VPS41: variants seen among roughly 807,000 people sequenced by gnomAD.
The protein encoded by VPS41 is VPS41 subunit of HOPS complex.
In VPS41, 85 loss-of-function variants were observed where a neutral mutation model predicts 130.9. That is an observed-to-expected ratio of 0.65 (90% CI 0.55 to 0.78). VPS41 has a LOEUF of 0.78. VPS41 is among the 30% of genes least tolerant of loss of function. The pLI, the probability that VPS41 is intolerant of heterozygous loss-of-function variation, is 0.00. For synonymous variants in VPS41, 335 were observed against 332.9 expected, an observed-to-expected ratio of 1.01 and a Z score of -0.07; for missense variants, 874 against 1,018.7, an observed-to-expected ratio of 0.86 and a Z score of 1.93.
chr7:38,898,506 C>T (rs867661490), intron 1 of VPS41, among the ~76,000 whole-genome samples: 1 of 152,214 alleles, frequency 6.6e-6, no homozygotes. Context: ...AATTTTTATA[C>T]TGAAAAGTTC....
In VPS41 at chr7:38,786,272, C is replaced by T. The variant is rs199829653; in HGVS notation, c.784+3529G>A. On this transcript the variant is annotated intron_variant, in intron 10 of 28. Coordinates refer to ENST00000310301, the MANE Select transcript of VPS41 (RefSeq NM_014396.4). ...ACCCTTCTGAACATCAGCTTCTTCA[C>T]TTACACCATGGGGATAGTAGCCGCT... 7.2e-5 allele frequency among the ~76,000 whole-genome samples: 11 copies of T among 152,310 alleles called. No homozygotes were observed. In the East Asian group the frequency reaches 2.1e-3, roughly 29 times the overall value.
At chr7:38,907,597 C>A (rs568066767) in intron 1 of VPS41, among the ~76,000 whole-genome samples, 20 of 152,226 alleles carry the variant, frequency 1.3e-4, no homozygotes, top group South Asian at 4.1e-4. Context: ...AAATAATGTA[C>A]AAATGTGAAA....
Position 38,821,295 on chromosome 7 carries a change from C to T in VPS41, c.322-30G>A, listed in dbSNP as rs60198358. On this transcript the variant is annotated intron_variant, in intron 5 of 28. Transcript: ENST00000310301. ...AAAGAAAATGGATTGTATCAGCTCA[C>T]CATGACAGCAATAGAGAAGGCTACT... 261 of 1,534,556 alleles carry T rather than the reference C, an allele frequency of 1.7e-4. 2 individuals carry two copies. The East Asian group carries it at 5.8e-3, about 34-fold the overall frequency.
Position 38,725,695 on chromosome 7 carries a change from C to A in VPS41, c.*551G>T, listed in dbSNP as rs1795524208. 6.5e-6 allele frequency: 1 copy of A among 153,482 alleles called. No homozygotes were observed. The highest frequency in any genetic ancestry group is 2.4e-5 in the African/African-American group (1 of 41,434). 9.5% of individuals were successfully genotyped at this position (153,482 alleles called of 1,614,324 possible). On this transcript the variant is annotated 3_prime_UTR_variant, in exon 29 of 29. Transcript: ENST00000310301. ...AGGACATCAGCCTGCTAATGTTATT[C>A]CCAGGTGTCATCAAATGAGTGACAA...
intron 10 of VPS41, 101 bp downstream of exon 10, chr7:38,789,700 G>A: frequency 8.7e-7 from 1 of 1,151,036 alleles, no homozygotes; most frequent in Non-Finnish European, 1.3e-6. Flanking sequence ...GGCTGCTGCA[G>A]GGATCCAGGC....
chr7:38,767,664 T>C lies in VPS41; in HGVS notation c.1186-66A>G, dbSNP rs188995933. 143 of 1,201,654 alleles carry C rather than the reference T, an allele frequency of 1.2e-4. No individual in the cohort carries two copies. In the African/African-American group the frequency reaches 1.7e-3, roughly 14 times the overall value. The allele number at this position is 1,201,654 out of a possible 1,614,324, so 74.4% of individuals were successfully genotyped here. Reference sequence around the variant, plus strand: ...AACAACTGAAAAGTTGAGTCTCGGTTTCTGCACAGGGCATAACATTAGGGT... The same window carrying C: ...AACAACTGAAAAGTTGAGTCTCGGTCTCTGCACAGGGCATAACATTAGGGT... On this transcript the variant is annotated intron_variant, in intron 14 of 28. Coordinates refer to ENST00000310301, the MANE Select transcript of VPS41 (RefSeq NM_014396.4).
chr7:38,895,179 G>T, intron 2 of VPS41, among the ~76,000 whole-genome samples: 1 of 152,048 alleles, frequency 6.6e-6, no homozygotes, highest in East Asian at 1.9e-4. Context: ...AAAGTGAACT[G>T]GGCGTGTTGG....
intron 10 of VPS41, among the ~76,000 whole-genome samples, chr7:38,781,806 T>C (rs1784358593): frequency 6.6e-6 from 1 of 152,226 alleles, no homozygotes. Context: ...GTCACCTAAT[T>C]TGAGATTTTC....
At chr7:38,776,449 GA>G (rs907136546) in intron 11 of VPS41, among the ~76,000 whole-genome samples, 9 of 151,778 alleles carry the variant, frequency 5.9e-5, no homozygotes, top group African/African-American at 1.9e-4. Flanking sequence ...AAGAGAGGTC[GA>G]AAAAAAAGAC....
intron 7 of VPS41, among the ~76,000 whole-genome samples, chr7:38,809,581 G>C (rs1435978459): frequency 6.6e-6 from 1 of 152,042 alleles, no homozygotes; most frequent in Non-Finnish European, 1.5e-5. Context: ...GAAGCTTATA[G>C]AAGCTGGCTG....
chr7:38,862,643 C>T lies in VPS41; in HGVS notation c.169-21G>A, dbSNP rs773003816. ...AAAAACTGTAAGAAGAACAAAGAGG[C>T]CAGTTAATTAATTAATAATACTATT... is the stretch of plus-strand genomic sequence containing the variant. On this transcript the variant is annotated intron_variant, in intron 3 of 28. Coordinates refer to ENST00000310301, the MANE Select transcript of VPS41 (RefSeq NM_014396.4). The T allele has an allele frequency of 4.6e-6, 7 of 1,510,224 alleles. No homozygotes were observed. In the East Asian group the frequency reaches 1.6e-4, roughly 34 times the overall value. 93.6% of individuals were successfully genotyped at this position (1,510,224 alleles called of 1,614,324 possible). A position where few individuals can be genotyped will look rare whatever the true frequency, so the allele number is the denominator to read the frequency against.
chr7:38,883,009 G>A lies in VPS41; in HGVS notation c.61-13756C>T, dbSNP rs192529952. 5.0e-3 allele frequency among the ~76,000 whole-genome samples: 759 copies of A among 152,254 alleles called. 5 individuals carry two copies. The highest frequency in any genetic ancestry group is 0.017 in the African/African-American group (721 of 41,542). Reference sequence around the variant, plus strand: ...TGTAATCCCAGCACTTTGGGAGGCCGAGGCAGATGGATTACTTGAGGTCAG... The same window carrying A: ...TGTAATCCCAGCACTTTGGGAGGCCAAGGCAGATGGATTACTTGAGGTCAG... On this transcript the variant is annotated intron_variant, in intron 2 of 28. Transcript: ENST00000310301.
chr7:38,752,042 T>A, intron 22 of VPS41, 134 bp downstream of exon 22: 2 of 1,328,728 alleles, frequency 1.5e-6, no homozygotes, highest in Non-Finnish European at 2.1e-6. Context: ...AAAAACCTAC[T>A]TCTTTGAGAG....
chr7:38,884,650 T>C (rs529456506), intron 2 of VPS41, among the ~76,000 whole-genome samples: 1 of 152,298 alleles, frequency 6.6e-6, no homozygotes, highest in Non-Finnish European at 1.5e-5. Context: ...CCACTGCGCC[T>C]GGCCTACACC....
rs1795507612 is a variant in VPS41 at position 38,724,833 on chromosome 7, C to A, written c.*1413G>T. ...TCTCGAACGTGCGATCTCAGGTGAT[C>A]CACCTGCCAAGGCCTCCCAAAGCCC... On this transcript the variant is annotated 3_prime_UTR_variant, in exon 29 of 29. Transcript: ENST00000310301. The A allele has an allele frequency of 6.6e-6, 1 of 152,364 alleles. No homozygotes were observed. The highest frequency in any genetic ancestry group is 1.5e-5 in the Non-Finnish European group (1 of 68,194). 9.4% of individuals were successfully genotyped at this position (152,364 alleles called of 1,614,324 possible). A position where few individuals can be genotyped will look rare whatever the true frequency, so the allele number is the denominator to read the frequency against.
chr7:38,766,378 A>C (rs1173130681), intron 15 of VPS41, among the ~76,000 whole-genome samples: 1 of 152,082 alleles, frequency 6.6e-6, no homozygotes, highest in Admixed American at 6.5e-5. Context: ...TTTAACTGCC[A>C]TCCTTAGGTT....
intron 4 of VPS41, among the ~76,000 whole-genome samples, chr7:38,846,863 C>T (rs187284715): frequency 1.8e-3 from 276 of 152,192 alleles, no homozygotes; most frequent in African/African-American, 5.8e-3. Flanking sequence ...GAGGATAAAA[C>T]GTCACAGAGA....
At chr7:38,763,626 A>C in intron 16 of VPS41, 79 bp from the exon 17 acceptor site, 2 of 880,376 alleles carry the variant, frequency 2.3e-6, no homozygotes, top group South Asian at 1.8e-5. Flanking sequence ...AGAAAACATA[A>C]AGTATATTTT....
intron 28 of VPS41, among the ~76,000 whole-genome samples, 183 bp downstream of exon 28, chr7:38,726,726 T>C (rs764919460): frequency 6.6e-6 from 1 of 152,260 alleles, no homozygotes; most frequent in African/African-American, 2.4e-5. Context: ...CTATAGTACA[T>C]AGAACATTTC....
Sources: gnomAD v4.1 joint callset for allele counts (sites outside exome capture counted in the v4.1 genomes callset) on GRCh38, gnomAD v4.1.1 for gene constraint, MANE v1.5 for transcripts, NCBI Gene and HGNC (gene_info 2026-07-23, HGNC 2026-07-21) for gene names.